Variants in OSBPL2 observed in about 807,000 individuals in gnomAD.
OSBPL2 encodes the protein oxysterol-binding protein-related protein 2.
In OSBPL2, 18 loss-of-function variants were observed where a neutral mutation model predicts 58.4. That is an observed-to-expected ratio of 0.31 (90% CI 0.21 to 0.46). The LOEUF is 0.46. OSBPL2 is among the 20% of genes least tolerant of loss of function. OSBPL2 has a pLI of 1.00. For missense variants in OSBPL2, 461 were observed against 616.5 expected (o/e 0.75, Z 2.67); for synonymous variants, 221 against 234.1 (o/e 0.94, Z 0.51).
Position 62,295,050 on chromosome 20 carries a change from T to G in OSBPL2, c.*1163T>G, listed in dbSNP as rs1983781517. On this transcript the variant is annotated 3_prime_UTR_variant, in exon 14 of 14. Coordinates refer to ENST00000313733, the MANE Select transcript of OSBPL2 (RefSeq NM_144498.4). The surrounding 1 kb of genome is among the most constrained non-coding windows in gnomAD (Gnocchi z 4.8). ...TCACCGCAACCTCCGCCTCCCGGGTTCAAGCGATTCTCCTGCCTCAGCCTC... is the reference window on the plus strand; with the variant it reads ...TCACCGCAACCTCCGCCTCCCGGGTGCAAGCGATTCTCCTGCCTCAGCCTC... 6.6e-6 allele frequency: 1 copy of G among 151,870 alleles called. No individual in the cohort carries two copies. The highest frequency in any genetic ancestry group is 2.4e-5 in the African/African-American group (1 of 41,278). 9.4% of individuals were successfully genotyped at this position (151,870 alleles called of 1,614,324 possible). A position where few individuals can be genotyped will look rare whatever the true frequency, so the allele number is the denominator to read the frequency against.
At chr20:62,256,313 C>T in intron 2 of OSBPL2, 92 bp downstream of exon 2, 1 of 1,157,410 alleles carries the variant, frequency 8.6e-7, no homozygotes, top group Non-Finnish European at 1.3e-6. Context: ...TGTAAAGATG[C>T]TCAGTAAAGC....
chr20:62,280,810 T>C (rs560650674), intron 7 of OSBPL2, among the ~76,000 whole-genome samples: 1 of 152,380 alleles, frequency 6.6e-6, no homozygotes, highest in East Asian at 1.9e-4. Flanking sequence ...TTCAGTCTTC[T>C]TTGATTGCTT....
rs1252399036 is a variant in OSBPL2, at chr20:62,265,192, A to G, written c.258+1501A>G. Among the ~76,000 whole-genome samples, 3 of 152,244 alleles carry G rather than the reference A, an allele frequency of 2.0e-5. No individual in the cohort carries two copies. The East Asian group carries it at 5.8e-4, about 29-fold the overall frequency. ...CGTTCTTCTACCTTTATTAATTGGA[A>G]TTGTTCTGTAAAGGAGAGCTGTCCC... On this transcript the variant is annotated intron_variant, in intron 4 of 13. Coordinates refer to ENST00000313733, the MANE Select transcript of OSBPL2 (RefSeq NM_144498.4).
chr20:62,295,597 C>T lies in OSBPL2; in HGVS notation c.*1710C>T, dbSNP rs1289768597. ...TACCAGCCACTCAAAAGTGTCTGAA[C>T]AGAACCGCTCCGTGACTGGTAGCTG... On this transcript the variant is annotated 3_prime_UTR_variant, in exon 14 of 14. Transcript: ENST00000313733. This position sits in a 1 kb window ranked among gnomAD's most constrained non-coding sequence, Gnocchi z 4.8. The T allele has an allele frequency of 6.6e-6, 1 of 152,196 alleles. No homozygotes were observed. Among genetic ancestry groups the T allele is most frequent in the Non-Finnish European group, 1.5e-5 (1 of 68,040 alleles). The allele number at this position is 152,196 out of a possible 1,614,324, so 9.4% of individuals were successfully genotyped here. A position where few individuals can be genotyped will look rare whatever the true frequency, so the allele number is the denominator to read the frequency against.
chr20:62,238,759 G>A (rs1979503043), intron 1 of OSBPL2, among the ~76,000 whole-genome samples, 162 bp downstream of exon 1: 1 of 151,014 alleles, frequency 6.6e-6, no homozygotes, highest in South Asian at 2.1e-4. Flanking sequence ...CCCCGGCCTC[G>A]ACCCCCACTG....
intron 1 of OSBPL2, among the ~76,000 whole-genome samples, chr20:62,246,549 G>A (rs1465859116): frequency 2.6e-5 from 4 of 152,232 alleles, no homozygotes; most frequent in Non-Finnish European, 4.4e-5. Context: ...GGCTGAGTTT[G>A]CAAAGTGGAT....
intron 1 of OSBPL2, among the ~76,000 whole-genome samples, chr20:62,251,896 T>C (rs1424429860): frequency 6.2e-4 from 56 of 90,596 alleles, no homozygotes; most frequent in African/African-American, 1.6e-3. Context: ...TTTTTTTTTT[T>C]CTGGAGACAG....
intron 11 of OSBPL2, 63 bp downstream of exon 11, chr20:62,286,774 G>T: frequency 5.2e-6 from 8 of 1,552,646 alleles, no homozygotes; most frequent in African/African-American, 1.4e-5. Context: ...TCTGGGCCCA[G>T]CCCCACGGCT....
intron 4 of OSBPL2, among the ~76,000 whole-genome samples, chr20:62,266,614 C>G (rs1641687615): frequency 6.6e-6 from 1 of 152,070 alleles, no homozygotes; most frequent in South Asian, 2.1e-4. Flanking sequence ...TTGGCTGTGG[C>G]TCATTCTGGA....
intron 3 of OSBPL2, among the ~76,000 whole-genome samples, chr20:62,261,053 C>T (rs1373493361): frequency 2.6e-5 from 4 of 152,136 alleles, no homozygotes; most frequent in African/African-American, 9.7e-5. Flanking sequence ...CGCAGTGGCT[C>T]ATGCCTATAA....
chr20:62,257,879 TA>T (rs1981037728), intron 2 of OSBPL2, among the ~76,000 whole-genome samples: 1 of 152,112 alleles, frequency 6.6e-6, no homozygotes, highest in Admixed American at 6.6e-5. Flanking sequence ...CACGCCTGGC[TA>T]ATTTTTGTAC....
chr20:62,287,398 C>G (rs1333014108), intron 11 of OSBPL2, among the ~76,000 whole-genome samples: 4 of 152,178 alleles, frequency 2.6e-5, no homozygotes, highest in African/African-American at 7.2e-5. Flanking sequence ...TCACTTTAAG[C>G]ACGTTATCTC....
intron 3 of OSBPL2, among the ~76,000 whole-genome samples, chr20:62,261,265 G>A (rs1601166379): frequency 6.8e-6 from 1 of 147,010 alleles, no homozygotes; most frequent in Non-Finnish European, 1.5e-5. Flanking sequence ...ACAGTGAGCC[G>A]AGGTCACGCC....
intron 6 of OSBPL2, among the ~76,000 whole-genome samples, chr20:62,274,550 G>C (rs964756623): frequency 6.6e-6 from 1 of 152,246 alleles, no homozygotes; most frequent in African/African-American, 2.4e-5. Context: ...TTCTGAAGGA[G>C]GGAGGGGCAG....
intron 6 of OSBPL2, 134 bp downstream of exon 6, chr20:62,273,540 G>A (rs777048484): frequency 2.6e-5 from 19 of 736,170 alleles, no homozygotes; most frequent in Admixed American, 6.0e-5. Flanking sequence ...TCACGAAAGC[G>A]TTTGGATGCT....
intron 12 of OSBPL2, 66 bp from the exon 13 acceptor site, chr20:62,291,637 C>A: frequency 7.8e-7 from 1 of 1,281,082 alleles, no homozygotes; most frequent in Non-Finnish European, 1.1e-6. Flanking sequence ...GATCTAGGTG[C>A]ATAGGGGGTG....
rs1403232883 is a variant in OSBPL2, at chr20:62,280,270, TAGA to T, written c.675-785_675-783del. 1.3e-5 allele frequency: 6 copies of T among 473,744 alleles called. No homozygotes were observed. In the East Asian group the frequency reaches 2.1e-4, roughly 17 times the overall value. 29.3% of individuals were successfully genotyped at this position (473,744 alleles called of 1,614,324 possible). On this transcript the variant is annotated intron_variant, in intron 7 of 13. Transcript: ENST00000313733. ...ACATTGGCCCTGCCTGGATGGTGGC[TAGA>T]AGGTTCCACAAGGACCTGGAGAAGC...
Position 62,294,303 on chromosome 20 carries a change from T to C in OSBPL2, c.*416T>C, listed in dbSNP as rs1983724257. 1 of 173,478 alleles carries C rather than the reference T, an allele frequency of 5.8e-6. No homozygotes were observed. Among genetic ancestry groups the C allele is most frequent in the Admixed American group, 5.8e-5 (1 of 17,260 alleles). The allele number at this position is 173,478 out of a possible 1,614,324, so 10.7% of individuals were successfully genotyped here. The stretch of plus-strand genomic sequence containing the variant: ...TGAAAGCCTTTTAAACTCGAACCAG[T>C]GGGGGAAAGATGGATCTTGAAGCTA... On this transcript the variant is annotated 3_prime_UTR_variant, in exon 14 of 14. Transcript: ENST00000313733.
At chr20:62,289,849 G>A (rs533816911) in intron 12 of OSBPL2, among the ~76,000 whole-genome samples, 2 of 152,258 alleles carry the variant, frequency 1.3e-5, no homozygotes, top group Non-Finnish European at 2.9e-5. Flanking sequence ...AGGTTGCAGT[G>A]AGCCGAGATT....
Sources: allele counts gnomAD v4.1 joint callset (sites outside exome capture counted in the v4.1 genomes callset), GRCh38; gene constraint gnomAD v4.1.1; non-coding constraint Gnocchi (gnomAD v3.1); transcripts MANE v1.5; gene names NCBI Gene and HGNC (gene_info 2026-07-23, HGNC 2026-07-21).